NAALADL2: variants seen among roughly 807,000 people sequenced by gnomAD.
NAALADL2 encodes N-acetylated alpha-linked acidic dipeptidase like 2.
Under a neutral mutation model 87.2 loss-of-function variants are expected in NAALADL2, and 76 were observed. That is an observed-to-expected ratio of 0.87 (90% CI 0.72 to 1.05). NAALADL2 has a LOEUF of 1.05. Ranked by LOEUF, NAALADL2 falls within the 50% of genes least tolerant of loss-of-function variation. NAALADL2 has a pLI of 0.00. For synonymous variants in NAALADL2, 354 were observed against 331.0 expected (o/e 1.07, Z -0.75); for missense variants, 1,089 against 945.8 (o/e 1.15, Z -1.99).
intron 1 of NAALADL2, among the ~76,000 whole-genome samples, chr3:174,912,139 T>C (rs1733784775): frequency 6.6e-6 from 1 of 152,072 alleles, no homozygotes; most frequent in Non-Finnish European, 1.5e-5. Context: ...ATATTGGTAG[T>C]TCTCTCATTT....
intron 2 of NAALADL2, among the ~76,000 whole-genome samples, chr3:174,582,963 T>C (rs1243678550): frequency 6.6e-6 from 1 of 152,198 alleles, no homozygotes; most frequent in African/African-American, 2.4e-5. Context: ...AAAAAGGAAA[T>C]GTCTAAGTTC....
At chr3:175,203,625 C>T (rs1740396004) in intron 2 of NAALADL2, among the ~76,000 whole-genome samples, 1 of 151,874 alleles carries the variant, frequency 6.6e-6, no homozygotes, top group Admixed American at 6.6e-5. Context: ...CTGCTCTGTC[C>T]TGAACCACAA....
At chr3:174,474,695 A>G (rs929621640) in intron 1 of NAALADL2, among the ~76,000 whole-genome samples, 1 of 152,104 alleles carries the variant, frequency 6.6e-6, no homozygotes, top group Non-Finnish European at 1.5e-5. Context: ...CTTTCTTCTC[A>G]TGGGGCTTTC....
intron 5 of NAALADL2, among the ~76,000 whole-genome samples, chr3:175,383,922 G>A (rs993796006): frequency 1.3e-5 from 2 of 152,028 alleles, no homozygotes; most frequent in Admixed American, 6.6e-5. Context: ...TTACCACTGT[G>A]ACTAAGACAA....
At chr3:174,635,114 A>G (rs1722501397) in intron 2 of NAALADL2, among the ~76,000 whole-genome samples, 1 of 152,180 alleles carries the variant, frequency 6.6e-6, no homozygotes, top group Non-Finnish European at 1.5e-5. Context: ...GAATGTTTGT[A>G]TCTTAATTAT....
chr3:174,540,830 A>C (rs1023867776), intron 1 of NAALADL2: 11 of 152,196 alleles, frequency 7.2e-5, no homozygotes, highest in Non-Finnish European at 1.5e-5. Flanking sequence ...GTTGCCTTGG[A>C]GACTAAGAAC....
chr3:175,456,346 A>G (rs1722318843), intron 6 of NAALADL2, among the ~76,000 whole-genome samples: 1 of 152,058 alleles, frequency 6.6e-6, no homozygotes, highest in Non-Finnish European at 1.5e-5. Flanking sequence ...AGTGGAACAC[A>G]TTTTTATATC....
intron 4 of NAALADL2, among the ~76,000 whole-genome samples, chr3:175,288,257 C>T (rs1421592425): frequency 6.6e-6 from 1 of 152,132 alleles, no homozygotes; most frequent in Non-Finnish European, 1.5e-5. Flanking sequence ...CTCTCTTACT[C>T]AGGGATGGTA....
intron 9 of NAALADL2, among the ~76,000 whole-genome samples, chr3:175,495,829 G>A (rs963647636): frequency 2.0e-5 from 3 of 151,838 alleles, no homozygotes; most frequent in African/African-American, 7.3e-5. Context: ...TCACAAATGT[G>A]ATTAACCTGC....
chr3:175,250,490 T>C (rs987326488), intron 3 of NAALADL2, among the ~76,000 whole-genome samples: 3 of 152,208 alleles, frequency 2.0e-5, no homozygotes, highest in African/African-American at 4.8e-5. Context: ...TCTGGTTTGA[T>C]AGTTCTTGAA....
intron 11 of NAALADL2, among the ~76,000 whole-genome samples, chr3:175,679,051 G>T (rs572799428): frequency 4.2e-4 from 64 of 151,946 alleles, no homozygotes; most frequent in African/African-American, 1.5e-3. Flanking sequence ...TAGGGGTGGG[G>T]GTCACAAGGT....
intron 5 of NAALADL2, among the ~76,000 whole-genome samples, chr3:175,340,074 A>G (rs1762417759): frequency 6.6e-6 from 1 of 152,044 alleles, no homozygotes; most frequent in Non-Finnish European, 1.5e-5. Context: ...TAATCAGTTT[A>G]TTTTCTCTTC....
chr3:174,755,966 G>A (rs1712001361), intron 3 of NAALADL2, among the ~76,000 whole-genome samples: 1 of 152,170 alleles, frequency 6.6e-6, no homozygotes, highest in Admixed American at 6.5e-5. Context: ...AGCCTGCTGT[G>A]TTTATTGATC....
intron 2 of NAALADL2, among the ~76,000 whole-genome samples, chr3:174,586,803 A>G (rs1224002550): frequency 6.6e-6 from 1 of 152,096 alleles, no homozygotes; most frequent in African/African-American, 2.4e-5. Flanking sequence ...AGCTGCATCT[A>G]CTATATAAAA....
chr3:175,390,324 A>G (rs928981268), intron 5 of NAALADL2, among the ~76,000 whole-genome samples: 3 of 152,162 alleles, frequency 2.0e-5, no homozygotes, highest in African/African-American at 7.2e-5. Context: ...ACCTCTGGCC[A>G]TTCTATAGAA....
Position 175,096,968 on chromosome 3 carries a change from A to C in NAALADL2, c.222A>C (p.Leu74=), listed in dbSNP as rs953206588. The change falls in exon 2 of 14, where the codon CTA becomes CTC. Residue 74 remains leucine, a synonymous_variant. Coordinates refer to ENST00000454872, the MANE Select transcript of NAALADL2 (RefSeq NM_207015.3). ...TAGACGGTGCTGAGAATCAGAACCT[A>C]GGGCATTCAGAGACTATAGACCTCA... The part of the protein sequence containing the change: ...FQLDGAENQN[L]GHSETIDLNL... 1.2e-6 allele frequency: 2 copies of C among 1,613,418 alleles called. No homozygotes were observed. Among genetic ancestry groups the C allele is most frequent in the Admixed American group, 1.7e-5 (1 of 59,848 alleles).
intron 9 of NAALADL2, among the ~76,000 whole-genome samples, chr3:175,573,832 G>A (rs1373862174): frequency 6.6e-6 from 1 of 151,892 alleles, no homozygotes; most frequent in East Asian, 1.9e-4. Flanking sequence ...GGGGGGTGGG[G>A]GTCACCATAA....
rs146493045 is a variant in NAALADL2, at chr3:175,134,834, A to G, written c.545+37543A>G. 3.0e-3 allele frequency among the ~76,000 whole-genome samples: 453 copies of G among 152,338 alleles called. 2 individuals carry two copies. The highest frequency in any genetic ancestry group is 0.01 in the African/African-American group (430 of 41,588). On this transcript the variant is annotated intron_variant, in intron 2 of 13. Coordinates refer to ENST00000454872, the MANE Select transcript of NAALADL2 (RefSeq NM_207015.3). ...CTACCTTCTTTGTCTTGGCTCCAAG[A>G]TAACTGATTTTTTAAAATGCCTTTA... is the stretch of plus-strand genomic sequence containing the variant.
At chr3:174,946,551 T>A (rs1321767530) in intron 1 of NAALADL2, among the ~76,000 whole-genome samples, 1 of 152,234 alleles carries the variant, frequency 6.6e-6, no homozygotes, top group African/African-American at 2.4e-5. Flanking sequence ...CAGTGCATGT[T>A]ATAGTATCAA....
Sources: gnomAD v4.1 joint callset for allele counts (sites outside exome capture counted in the v4.1 genomes callset) on GRCh38, gnomAD v4.1.1 for gene constraint, MANE v1.5 for transcripts, NCBI Gene and HGNC (gene_info 2026-07-23, HGNC 2026-07-21) for gene names.